Variants in ARID3C observed in about 807,000 individuals in gnomAD.
ARID3C encodes the protein AT-rich interaction domain 3C, also known as AT-rich interactive domain-containing protein 3C.
In ARID3C, 42 loss-of-function variants were observed where a neutral mutation model predicts 37.9. The ratio of observed to expected loss-of-function variants is 1.11; its 90% confidence interval spans 0.87 to 1.43. The LOEUF is 1.43. Among genes scored for constraint, ARID3C ranks in the 40% most tolerant of loss-of-function variants. The pLI is 0.00. For missense variants in ARID3C, 581 were observed against 548.8 expected (o/e 1.06, Z -0.59); for synonymous variants, 213 against 228.0 (o/e 0.93, Z 0.59).
intron 6 of ARID3C, 24 bp downstream of exon 7, chr9:34,621,996 G>A (rs758774538): frequency 6.2e-7 from 1 of 1,610,248 alleles, no homozygotes; most frequent in South Asian, 1.1e-5. Context: ...CCATGCCAGT[G>A]TAGACAGCCT....
intron 2 of ARID3C, 38 bp from the exon 4 acceptor site, chr9:34,624,085 A>G (rs1417269343): frequency 6.5e-7 from 1 of 1,537,566 alleles, no homozygotes; most frequent in African/African-American, 1.4e-5. Context: ...CACTGAGACG[A>G]AGACCCTGTC....
chr9:34,623,958 C>A lies in ARID3C; in HGVS notation c.481G>T (p.Val161Leu), dbSNP rs372986979. The A allele has an allele frequency of 6.2e-7, 1 of 1,605,838 alleles. No homozygotes were observed. Among genetic ancestry groups the A allele is most frequent in the Non-Finnish European group, 8.5e-7 (1 of 1,178,400 alleles). Residue 161 changes from valine (V) to leucine (L), a missense_variant, in exon 3 of 7, where the codon GTG (valine) becomes TTG (leucine). Transcript: ENST00000378909. ...CACACTTTGCGGTTGATGACTTCCACCAGGCCGCCCTTGGCGGTCACCAGG... is the reference window on the plus strand; with the variant it reads ...CACACTTTGCGGTTGATGACTTCCAACAGGCCGCCCTTGGCGGTCACCAGG...
chr9:34,623,537 A>C (rs1242783689), exon 4 of ARID3C: 1 of 1,580,118 alleles, frequency 6.3e-7, no homozygotes, highest in Non-Finnish European at 8.6e-7. Context: ...CGGGGCCGGG[A>C]CCCAAGGCTG....
chr9:34,623,625 C>T (rs773355028), exon 4 of ARID3C: 2 of 1,605,532 alleles, frequency 1.2e-6, no homozygotes, highest in Non-Finnish European at 1.7e-6. Context: ...ACGGCCCTCG[C>T]GCCGATTGCT....
chr9:34,629,921 C>G (rs1347583815), upstream of ARID3C, among the ~76,000 whole-genome samples: 1 of 151,934 alleles, frequency 6.6e-6, no homozygotes, highest in African/African-American at 2.4e-5. Context: ...CACCACCAGA[C>G]CCGGCTAATT....
At chr9:34,622,056 T>C (rs1277862131) in exon 6 of ARID3C, 2 of 1,614,144 alleles carry the variant, frequency 1.2e-6, no homozygotes, top group South Asian at 1.1e-5. Flanking sequence ...AGGGCCATGT[T>C]GATACTGCTG....
rs764865701 is a variant in ARID3C, at chr9:34,623,662, G to C, written c.628C>G (p.Pro210Ala). 1.3e-5 allele frequency: 20 copies of C among 1,589,374 alleles called. No homozygotes were observed. The highest frequency in any genetic ancestry group is 1.7e-5 in the Non-Finnish European group (20 of 1,170,152). ...TCTATGGCGGCCTGGAGCTCCCCTG[G>C]GGAGCTGAGCGCTCGAGTCTCGCAC... is the stretch of plus-strand genomic sequence containing the variant. Residue 210 changes from proline to alanine, a missense_variant, in exon 4 of 7, where the codon CCA becomes GCA. Pro to Ala is a conservative substitution (Grantham distance 27, BLOSUM62 -1). Transcript: ENST00000378909.
chr9:34,622,714 G>A (rs997742201), intron 4 of ARID3C, among the ~76,000 whole-genome samples, 185 bp from the exon 6 acceptor site: 1 of 152,216 alleles, frequency 6.6e-6, no homozygotes, highest in Non-Finnish European at 1.5e-5. Flanking sequence ...AGAGCCCAAA[G>A]GATCAAGGTA....
At chr9:34,631,687 T>C (rs1273012788), upstream of ARID3C, among the ~76,000 whole-genome samples, 2 of 152,214 alleles carry the variant, frequency 1.3e-5, no homozygotes, top group African/African-American at 4.8e-5. Context: ...TAGTTACCTA[T>C]TGCTGTGTAA....
chr9:34,625,701 G>A, intron 2 of ARID3C, 41 bp downstream of exon 3: 1 of 1,611,612 alleles, frequency 6.2e-7, no homozygotes, highest in South Asian at 1.1e-5. Context: ...ACCTGGTAAG[G>A]GGGCAATTCC....
chr9:34,625,617 G>T, intron 2 of ARID3C, 125 bp downstream of exon 3: 1 of 867,514 alleles, frequency 1.2e-6, no homozygotes, highest in Non-Finnish European at 1.8e-6. Flanking sequence ...GGTTAAAGAC[G>T]CTATCGAGGG....
rs767361850 is a variant in ARID3C, at chr9:34,627,850, A to G, written c.165T>C (p.Asp55=). The change falls in exon 1 of 7, where the codon GAT becomes GAC. Residue 55 remains aspartate, a synonymous_variant. Coordinates refer to ENST00000378909, the Ensembl canonical transcript of ARID3C. Reference sequence around the variant, plus strand: ...CCCGCTTCTCCTCATCTTCTTCAGCATCTTCCTCTTCCTCAGCCCCAACAT... The same window carrying G: ...CCCGCTTCTCCTCATCTTCTTCAGCGTCTTCCTCTTCCTCAGCCCCAACAT... The G allele has an allele frequency of 1.9e-6, 3 of 1,601,336 alleles. No homozygotes were observed. The Admixed American group carries it at 5.2e-5, about 28-fold the overall frequency.
At chr9:34,624,117 T>G in intron 2 of ARID3C, 70 bp from the exon 4 acceptor site, 5 of 1,481,898 alleles carry the variant, frequency 3.4e-6, no homozygotes, top group Non-Finnish European at 3.6e-6. Flanking sequence ...CAGGGACTGA[T>G]ACAGGACGGG....
At chr9:34,621,902 T>C in intron 6 of ARID3C, 118 bp downstream of exon 7, 2 of 1,037,150 alleles carry the variant, frequency 1.9e-6, no homozygotes, top group South Asian at 1.4e-5. Flanking sequence ...AACTCCATGT[T>C]ACTCATGCAA....
At chr9:34,627,198 C>T (rs1820667580) in intron 1 of ARID3C, among the ~76,000 whole-genome samples, 2 of 152,318 alleles carry the variant, frequency 1.3e-5, no homozygotes, top group Admixed American at 6.5e-5. Context: ...TATCAGCCTG[C>T]CAAGTGAGTG....
chr9:34,630,427 G>A (rs2132317384), upstream of ARID3C, among the ~76,000 whole-genome samples: 2 of 152,298 alleles, frequency 1.3e-5, 1 homozygote, highest in South Asian at 4.1e-4. Context: ...GTGAGGTGAT[G>A]CCAAGTGTGT....
chr9:34,623,916 C>T (rs1227182402), exon 3 of ARID3C: 1 of 1,600,832 alleles, frequency 6.2e-7, no homozygotes, highest in Non-Finnish European at 8.5e-7. Flanking sequence ...AGGCTGAGGC[C>T]GCGCGTGACT....
upstream of ARID3C, among the ~76,000 whole-genome samples, chr9:34,628,952 C>A (rs1450425296): frequency 1.3e-5 from 2 of 152,034 alleles, no homozygotes; most frequent in African/African-American, 4.8e-5. The surrounding 1 kb of genome is among the most constrained non-coding windows in gnomAD (Gnocchi z 5.2). Flanking sequence ...GGCGTCTCCA[C>A]GGCGCTGCCT....
chr9:34,621,909 G>T lies in ARID3C; in HGVS notation c.1138+111C>A. ...ATCCCCTGAACTCCATGTTACTCAT[G>T]CAAGTTTAGATATCCCTGAACTTCA... On this transcript the variant is annotated intron_variant, in intron 6 of 6. Transcript: ENST00000378909. The T allele has an allele frequency of 6.4e-6, 7 of 1,097,796 alleles. No homozygotes were observed. In the South Asian group the frequency reaches 8.0e-5, roughly 13 times the overall value. 68.0% of individuals were successfully genotyped at this position (1,097,796 alleles called of 1,614,324 possible).
Sources: gnomAD v4.1 joint callset for allele counts (sites outside exome capture counted in the v4.1 genomes callset) on GRCh38, gnomAD v4.1.1 for gene constraint, Gnocchi (gnomAD v3.1) non-coding constraint, MANE v1.5 for transcripts, NCBI Gene and HGNC (gene_info 2026-07-23, HGNC 2026-07-21) for gene names.